Variants in CHST8 observed in about 807,000 individuals in gnomAD.
The protein encoded by CHST8 is GALNAC-4-ST1.
CHST8 carries 10 observed loss-of-function variants against 15.0 expected under a neutral mutation model. That is an observed-to-expected ratio of 0.67 (90% CI 0.41 to 1.13). The LOEUF (loss-of-function observed/expected upper bound fraction) is 1.13, where lower values mean the gene tolerates loss of function less well. Ranked by LOEUF, CHST8 falls within the 50% of genes most tolerant of loss-of-function variation. CHST8 has a pLI of 0.00. For missense variants in CHST8, 634 were observed against 608.2 expected, an observed-to-expected ratio of 1.04 and a Z score of -0.45; for synonymous variants, 259 against 256.6, an observed-to-expected ratio of 1.01 and a Z score of -0.09.
chr19:33,694,192 A>G lies in CHST8; in HGVS notation c.130+4801A>G, dbSNP rs1250038571. Among the ~76,000 whole-genome samples the G allele has an allele frequency of 2.8e-4, 24 of 86,640 alleles. 4 individuals carry two copies. The highest frequency in any genetic ancestry group is 2.6e-3 in the Admixed American group (24 of 9,408). 56.8% of individuals were successfully genotyped at this position (86,640 alleles called of 152,430 possible). A position where few individuals can be genotyped will look rare whatever the true frequency, so the allele number is the denominator to read the frequency against. On this transcript the variant is annotated intron_variant, in intron 3 of 4. Transcript: ENST00000650847. ...TTCATATATATATATATATATATAT[A>G]TATATATATATATATATATATATAT...
At position 33,644,391 on chromosome 19, in the gene CHST8, A is replaced by G. The variant is rs536678787; in HGVS notation, c.-164+22095A>G. On this transcript the variant is annotated intron_variant, in intron 1 of 4. Transcript: ENST00000650847. ...GAAGCAGAGGTGAATCCCAGCCCCCATGGAGTCAGTGTTCTGGTAAGGGCA... is the reference window on the plus strand; with the variant it reads ...GAAGCAGAGGTGAATCCCAGCCCCCGTGGAGTCAGTGTTCTGGTAAGGGCA... Among the ~76,000 whole-genome samples the G allele has an allele frequency of 2.5e-3, 382 of 152,136 alleles. 3 individuals are homozygous for G. The highest frequency in any genetic ancestry group is 4.4e-3 in the Non-Finnish European group (301 of 67,984).
At chr19:33,683,713 C>T (rs777718273) in intron 2 of CHST8, among the ~76,000 whole-genome samples, 14 of 152,194 alleles carry the variant, frequency 9.2e-5, no homozygotes, top group African/African-American at 1.2e-4. Context: ...TTCCCTGTGC[C>T]GGGGACTGTG....
intron 1 of CHST8, among the ~76,000 whole-genome samples, chr19:33,646,347 C>CG (rs563086811): frequency 7.3e-4 from 111 of 151,934 alleles, no homozygotes; most frequent in Non-Finnish European, 1.3e-3. Flanking sequence ...TGACAGTTTC[C>CG]GGGTGGGGGT....
chr19:33,756,949 G>C (rs954545513), intron 3 of CHST8, among the ~76,000 whole-genome samples: 1 of 152,198 alleles, frequency 6.6e-6, no homozygotes, highest in Non-Finnish European at 1.5e-5. Flanking sequence ...TGGGGGTGTG[G>C]AGGCAGCCCC....
intron 3 of CHST8, among the ~76,000 whole-genome samples, chr19:33,717,501 G>A (rs1005961296): frequency 4.6e-5 from 7 of 152,196 alleles, no homozygotes; most frequent in Non-Finnish European, 8.8e-5. Flanking sequence ...AAGGAGTGCC[G>A]GCAGACTCAA....
At chr19:33,633,050 T>G (rs1469677419) in intron 1 of CHST8, among the ~76,000 whole-genome samples, 1 of 151,996 alleles carries the variant, frequency 6.6e-6, no homozygotes, top group Admixed American at 6.6e-5. Context: ...AGGCTGGTCT[T>G]GAACTCCTGA....
In CHST8 at chr19:33,757,605, A is replaced by AAAGAAAGG. The variant is rs1365725815; in HGVS notation, c.131-13808_131-13807insAAGAAAGG. 2.3e-3 allele frequency among the ~76,000 whole-genome samples: 262 copies of AAAGAAAGG among 112,974 alleles called. 48 individuals are homozygous for AAAGAAAGG. Among genetic ancestry groups the AAAGAAAGG allele is most frequent in the African/African-American group, 9.0e-3 (246 of 27,466 alleles). The allele number at this position is 112,974 out of a possible 152,430, so 74.1% of individuals were successfully genotyped here. On this transcript the variant is annotated intron_variant, in intron 3 of 4. Transcript: ENST00000650847. Reference sequence around the variant, plus strand: ...GAAAGAAAGAAAGAAAGAAAGAAAGAGCCGGCCATTCAGAAGGGAGCAGAA... The same window carrying AAAGAAAGG: ...GAAAGAAAGAAAGAAAGAAAGAAAGAAAGAAAGGGCCGGCCATTCAGAAGGGAGCAGAA...
At chr19:33,664,315 A>G (rs1041279906) in intron 1 of CHST8, among the ~76,000 whole-genome samples, 1 of 151,878 alleles carries the variant, frequency 6.6e-6, no homozygotes, top group Non-Finnish European at 1.5e-5. Flanking sequence ...TTTAAGTTTT[A>G]GAGTACATGT....
intron 3 of CHST8, among the ~76,000 whole-genome samples, chr19:33,697,804 G>A (rs2145271829): frequency 6.6e-6 from 1 of 152,276 alleles, no homozygotes. Flanking sequence ...GAGAGAATGC[G>A]GCACGTGGAG....
intron 3 of CHST8, among the ~76,000 whole-genome samples, chr19:33,707,209 T>C (rs1973464214): frequency 6.6e-6 from 1 of 152,194 alleles, no homozygotes; most frequent in East Asian, 1.9e-4. Context: ...CATGCCACTG[T>C]GCCCGGCTAA....
chr19:33,670,271 T>C (rs1182857234), intron 2 of CHST8, among the ~76,000 whole-genome samples: 1 of 152,254 alleles, frequency 6.6e-6, no homozygotes, highest in East Asian at 1.9e-4. Context: ...TATCAGTGAA[T>C]TCAAATTGCA....
chr19:33,705,650 C>G (rs551868299), intron 3 of CHST8, among the ~76,000 whole-genome samples: 1 of 152,292 alleles, frequency 6.6e-6, no homozygotes, highest in African/African-American at 2.4e-5. Flanking sequence ...GGATTTCTGA[C>G]TTGGCAGCCT....
At chr19:33,712,375 G>A (rs1242996556) in intron 3 of CHST8, among the ~76,000 whole-genome samples, 4 of 152,190 alleles carry the variant, frequency 2.6e-5, no homozygotes, top group African/African-American at 9.7e-5. Flanking sequence ...AAACAGGGTG[G>A]ACAAGCGGGG....
chr19:33,645,688 G>A (rs957406174), intron 1 of CHST8, among the ~76,000 whole-genome samples: 5 of 152,212 alleles, frequency 3.3e-5, no homozygotes, highest in African/African-American at 1.2e-4. Flanking sequence ...TGCAATGGCA[G>A]ATGTTGAATA....
At chr19:33,627,170 G>A (rs1972066878) in intron 1 of CHST8, among the ~76,000 whole-genome samples, 1 of 149,364 alleles carries the variant, frequency 6.7e-6, no homozygotes. Context: ...GTGTGATCTC[G>A]GCTCACTGCA....
intron 1 of CHST8, among the ~76,000 whole-genome samples, chr19:33,635,610 G>T (rs940680268): frequency 1.3e-5 from 2 of 151,994 alleles, no homozygotes; most frequent in African/African-American, 2.4e-5. Flanking sequence ...AAAGATGGGT[G>T]GGGGGGTGAC....
At chr19:33,759,732 A>G (rs981806581) in intron 3 of CHST8, among the ~76,000 whole-genome samples, 3 of 152,202 alleles carry the variant, frequency 2.0e-5, no homozygotes, top group African/African-American at 7.2e-5. Context: ...TGCGCAGGGA[A>G]TAGCATCAGC....
chr19:33,693,008 C>CTTTTTT (rs371300363), intron 3 of CHST8, among the ~76,000 whole-genome samples: 3 of 140,908 alleles, frequency 2.1e-5, no homozygotes, highest in Non-Finnish European at 1.6e-5. Context: ...TTCTTTCTTT[C>CTTTTTT]TTTTTTTTTT....
intron 3 of CHST8, among the ~76,000 whole-genome samples, chr19:33,737,563 G>T (rs1280800349): frequency 6.6e-6 from 1 of 152,182 alleles, no homozygotes; most frequent in Non-Finnish European, 1.5e-5. Context: ...TTCCCAGAAG[G>T]GAATTGTCCC....
Sources: gnomAD v4.1 joint callset for allele counts (sites outside exome capture counted in the v4.1 genomes callset) on GRCh38, gnomAD v4.1.1 for gene constraint, MANE v1.5 for transcripts, NCBI Gene and HGNC (gene_info 2026-07-23, HGNC 2026-07-21) for gene names.